CDC5L: variants seen among roughly 807,000 people sequenced by gnomAD.
CDC5L encodes the protein cell division cycle 5 like, also known as cell division cycle 5-like protein.
In CDC5L, 18 loss-of-function variants were observed where a neutral mutation model predicts 104.1. The observed-to-expected ratio is 0.17, with a 90% CI of 0.12 to 0.26. The LOEUF (loss-of-function observed/expected upper bound fraction) is 0.26, where lower values mean the gene tolerates loss of function less well. Among genes scored for constraint, CDC5L ranks in the 10% least tolerant of loss-of-function variants. The pLI, the probability that CDC5L is intolerant of heterozygous loss-of-function variation, is 1.00. For missense variants in CDC5L, 673 were observed against 956.9 expected (o/e 0.70, Z 3.91); for synonymous variants, 331 against 322.7 (o/e 1.03, Z -0.28).
chr6:44,405,124 C>G (rs1413704055), intron 6 of CDC5L, among the ~76,000 whole-genome samples: 3 of 152,080 alleles, frequency 2.0e-5, no homozygotes, highest in African/African-American at 7.2e-5. Context: ...TAGGGCATAG[C>G]AGATTTTCCC....
chr6:44,407,636 C>CTT, intron 7 of CDC5L, among the ~76,000 whole-genome samples: 1 of 151,972 alleles, frequency 6.6e-6, no homozygotes, highest in African/African-American at 2.4e-5. Flanking sequence ...CCAGCTAACC[C>CTT]TTTTTTTTGT....
At chr6:44,420,797 T>A (rs1012333362) in intron 9 of CDC5L, among the ~76,000 whole-genome samples, 2 of 152,212 alleles carry the variant, frequency 1.3e-5, no homozygotes, top group African/African-American at 4.8e-5. Context: ...AAATCCCATA[T>A]CTAAAACTCT....
intron 6 of CDC5L, 141 bp from the exon 7 acceptor site, chr6:44,406,182 G>T (rs1387800890): frequency 1.6e-6 from 1 of 624,046 alleles, no homozygotes; most frequent in Non-Finnish European, 2.7e-6. Context: ...GATTACAGGC[G>T]TGAGCCATTG....
chr6:44,397,809 G>A (rs2153375540), intron 5 of CDC5L, among the ~76,000 whole-genome samples: 1 of 152,318 alleles, frequency 6.6e-6, no homozygotes, highest in Admixed American at 6.5e-5. Context: ...ATTACACATT[G>A]TCTTTCACTC....
chr6:44,414,382 C>CTG (rs58800666), intron 8 of CDC5L, among the ~76,000 whole-genome samples: 3,872 of 129,944 alleles, frequency 0.03, 134 homozygotes, highest in African/African-American at 0.082. Context: ...CTGGCCTGGC[C>CTG]TGTGTGTGTG....
intron 3 of CDC5L, among the ~76,000 whole-genome samples, chr6:44,393,164 GTTTTTTTTTT>G (rs773786751): frequency 9.3e-5 from 10 of 107,220 alleles, no homozygotes; most frequent in African/African-American, 3.3e-4. Context: ...TTTACTAATA[GTTTTTTTTTT>G]TTTTTTTTTT....
chr6:44,431,317 C>T (rs913414171), intron 14 of CDC5L, among the ~76,000 whole-genome samples: 2 of 152,110 alleles, frequency 1.3e-5, no homozygotes, highest in Non-Finnish European at 2.9e-5. Context: ...GCAGGGTGTG[C>T]TGTTGCTCTG....
Position 44,446,702 on chromosome 6 carries a change from A to G in CDC5L, c.2400A>G (p.Ser800=). 1 of 1,514,760 alleles carries G rather than the reference A, an allele frequency of 6.6e-7. No individual in the cohort carries two copies. Among genetic ancestry groups the G allele is most frequent in the African/African-American group, 1.4e-5 (1 of 72,074 alleles). The allele number at this position is 1,514,760 out of a possible 1,614,324, so 93.8% of individuals were successfully genotyped here. ...TGCTGGAGAAAGAGACTTTAAAGTC[A>G]AAATTCTGAAGTACAGTTTATATTC... ...DLLLEKETLK[S]KF Residue 800 remains serine (S), a synonymous_variant, in exon 16 of 16, where the codon TCA becomes TCG. Transcript: ENST00000371477.
chr6:44,432,930 A>G lies in CDC5L; in HGVS notation c.2091+3020A>G, dbSNP rs374277050. ...CATACCATGCTGTGTCCATTTTTACATGGTGGCAAAAAGCCCAGTGTATTT... is the reference window on the plus strand; with the variant it reads ...CATACCATGCTGTGTCCATTTTTACGTGGTGGCAAAAAGCCCAGTGTATTT... On this transcript the variant is annotated intron_variant, in intron 14 of 15. Transcript: ENST00000371477. Among the ~76,000 whole-genome samples, 15 of 152,344 alleles carry G rather than the reference A, an allele frequency of 9.8e-5. No homozygotes were observed. The East Asian group carries it at 1.2e-3, about 12-fold the overall frequency.
At chr6:44,410,183 C>T (rs1352347402) in intron 8 of CDC5L, among the ~76,000 whole-genome samples, 2 of 152,114 alleles carry the variant, frequency 1.3e-5, no homozygotes, top group Admixed American at 6.5e-5. Context: ...TTTCTCCTGT[C>T]TTACTGAAAT....
intron 10 of CDC5L, 137 bp downstream of exon 10, chr6:44,422,946 A>G: frequency 2.1e-6 from 1 of 469,640 alleles, no homozygotes; most frequent in Non-Finnish European, 3.6e-6. Flanking sequence ...AAAAAGAATT[A>G]TTTGTAAGAC....
chr6:44,430,003 C>G, intron 14 of CDC5L, 93 bp downstream of exon 14: 1 of 940,914 alleles, frequency 1.1e-6, no homozygotes, highest in Admixed American at 2.5e-5. Flanking sequence ...GAAAAACACA[C>G]CTGAGGTGCT....
intron 14 of CDC5L, among the ~76,000 whole-genome samples, chr6:44,439,787 A>G (rs762632273): frequency 1.9e-4 from 29 of 152,312 alleles, no homozygotes; most frequent in Non-Finnish European, 3.7e-4. Flanking sequence ...TTTTATGTCT[A>G]TGATCTTATT....
intron 4 of CDC5L, among the ~76,000 whole-genome samples, chr6:44,394,893 C>G (rs1583107030): frequency 3.1e-3 from 1 of 322 alleles, no homozygotes; most frequent in African/African-American, 6.3e-3. Context: ...AAATGGTATA[C>G]ACACACACAC....
At chr6:44,411,509 T>G (rs746206646) in intron 8 of CDC5L, among the ~76,000 whole-genome samples, 2 of 152,114 alleles carry the variant, frequency 1.3e-5, no homozygotes, top group Non-Finnish European at 2.9e-5. Flanking sequence ...AGTGATAATT[T>G]TGCTCTTAAC....
At chr6:44,392,905 T>C (rs1790682878) in intron 3 of CDC5L, 77 bp downstream of exon 3, 4 of 1,356,598 alleles carry the variant, frequency 2.9e-6, no homozygotes, top group Middle Eastern at 2.0e-4. Flanking sequence ...GAGTATTTTC[T>C]GTCTTTAAAC....
chr6:44,417,647 A>G (rs1791965051), intron 8 of CDC5L, among the ~76,000 whole-genome samples: 1 of 152,208 alleles, frequency 6.6e-6, no homozygotes, highest in Non-Finnish European at 1.5e-5. Context: ...GTACAAAGAT[A>G]GCACTGAGGA....
chr6:44,446,700 T>A lies in CDC5L; in HGVS notation c.2398T>A (p.Ser800Thr). The A allele has an allele frequency of 6.5e-7, 1 of 1,528,684 alleles. No homozygotes were observed. The highest frequency in any genetic ancestry group is 2.3e-5 in the East Asian group (1 of 43,548). 94.7% of individuals were successfully genotyped at this position (1,528,684 alleles called of 1,614,324 possible). Residue 800 changes from serine (S) to threonine (T), a missense_variant, in exon 16 of 16, where the codon TCA (serine) becomes ACA (threonine). This residue lies in a region of CDC5L where 578 missense variants were observed against 737.0 expected (regional missense o/e 0.78). Coordinates refer to ENST00000371477, the MANE Select transcript of CDC5L (RefSeq NM_001253.4). ...DLLLEKETLK[S>T]KF ...GCTGCTGGAGAAAGAGACTTTAAAG[T>A]CAAAATTCTGAAGTACAGTTTATAT...
At position 44,424,561 on chromosome 6, in the gene CDC5L, C is replaced by T; in HGVS notation, c.1547C>T (p.Ala516Val). The change falls in exon 11 of 16, where the codon GCT becomes GTT. Residue 516 changes from alanine to valine, a missense_variant. This residue lies in a region of CDC5L where 578 missense variants were observed against 737.0 expected (regional missense o/e 0.78). Coordinates refer to ENST00000371477, the MANE Select transcript of CDC5L (RefSeq NM_001253.4). ...GATGATACTTACATTGAAGATGCTG[C>T]TGATGTGGATGCTCGAAAGCAGGTG... Reference protein sequence around the residue: ...EIDDTYIEDAADVDARKQAIR... With the variant: ...EIDDTYIEDAVDVDARKQAIR... 6.2e-7 allele frequency: 1 copy of T among 1,613,822 alleles called. No individual in the cohort carries two copies. Among genetic ancestry groups the T allele is most frequent in the Non-Finnish European group, 8.5e-7 (1 of 1,179,866 alleles).
Sources: gnomAD v4.1 joint callset for allele counts (sites outside exome capture counted in the v4.1 genomes callset) on GRCh38, gnomAD v4.1.1 for gene constraint, gnomAD v4.1.1 regional missense constraint, MANE v1.5 for transcripts, NCBI Gene and HGNC (gene_info 2026-07-23, HGNC 2026-07-21) for gene names.